Variants in GPHN observed in about 807,000 individuals in gnomAD.
GPHN encodes the protein gephyrin.
A neutral mutation model predicts 95.5 loss-of-function variants in GPHN; 17 were observed. That is an observed-to-expected ratio of 0.18 (90% CI 0.12 to 0.27). The LOEUF is 0.27. Among genes scored for constraint, GPHN ranks in the 10% least tolerant of loss-of-function variants. GPHN has a pLI of 1.00. For missense variants in GPHN, 660 were observed against 978.1 expected, an observed-to-expected ratio of 0.67 and a Z score of 4.34; for synonymous variants, 320 against 322.5, an observed-to-expected ratio of 0.99 and a Z score of 0.08.
chr14:66,591,190 G>A (rs941090638), intron 1 of GPHN, among the ~76,000 whole-genome samples: 1 of 152,118 alleles, frequency 6.6e-6, no homozygotes, highest in Non-Finnish European at 1.5e-5. Flanking sequence ...CAAACCCGCA[G>A]CCAATATAAT....
the GPHN span, chr14:67,647,040 C>G: frequency 6.4e-7 from 1 of 1,551,774 alleles, no homozygotes; most frequent in Admixed American, 1.7e-5. Flanking sequence ...GTAACTATAA[C>G]TGATGTCAGG....
chr14:66,553,394 A>G (rs1393329661), intron 1 of GPHN, among the ~76,000 whole-genome samples: 1 of 152,086 alleles, frequency 6.6e-6, no homozygotes, highest in Non-Finnish European at 1.5e-5. Flanking sequence ...CTCTAGGATC[A>G]CAGTTACATA....
chr14:66,603,547 C>A (rs546150243), intron 1 of GPHN, among the ~76,000 whole-genome samples: 2 of 151,872 alleles, frequency 1.3e-5, no homozygotes, highest in African/African-American at 4.8e-5. Context: ...ATCCAGTTTT[C>A]AATTATGAAC....
intron 17 of GPHN, 142 bp from the exon 18 acceptor site, chr14:67,143,220 T>C: frequency 1.4e-6 from 1 of 695,412 alleles, no homozygotes; most frequent in Non-Finnish European, 2.7e-6. Flanking sequence ...GCAGAGACCC[T>C]TTTGATTCCC....
chr14:67,713,181 C>A, the GPHN span, among the ~76,000 whole-genome samples: 1 of 151,810 alleles, frequency 6.6e-6, no homozygotes, highest in Non-Finnish European at 1.5e-5. Context: ...CTCAATTCAG[C>A]TACATACCTA....
the GPHN span, among the ~76,000 whole-genome samples, chr14:67,343,199 C>T: frequency 6.6e-6 from 1 of 151,956 alleles, no homozygotes; most frequent in East Asian, 1.9e-4. Flanking sequence ...TATCAGAACA[C>T]TTCATAACAC....
chr14:66,858,469 A>G (rs1000607196), intron 4 of GPHN, among the ~76,000 whole-genome samples: 2 of 151,646 alleles, frequency 1.3e-5, no homozygotes, highest in Non-Finnish European at 2.9e-5. Flanking sequence ...GGCAAGATGC[A>G]TCAACTTTTG....
intron 3 of GPHN, among the ~76,000 whole-genome samples, chr14:66,811,502 T>C (rs1027332084): frequency 1.3e-5 from 2 of 151,542 alleles, no homozygotes; most frequent in Non-Finnish European, 2.9e-5. Context: ...TAAGCATGTA[T>C]TTTAAGAATC....
At chr14:66,855,464 T>A (rs947796118) in intron 4 of GPHN, among the ~76,000 whole-genome samples, 1 of 152,226 alleles carries the variant, frequency 6.6e-6, no homozygotes, top group African/African-American at 2.4e-5. Flanking sequence ...CAGAACTTTA[T>A]TGCTTTTTAT....
At chr14:66,921,785 G>A (rs1210338733) in intron 6 of GPHN, among the ~76,000 whole-genome samples, 1 of 152,036 alleles carries the variant, frequency 6.6e-6, no homozygotes, top group Admixed American at 6.6e-5. Flanking sequence ...AAATCTGGAG[G>A]CATCACATTA....
the GPHN span, among the ~76,000 whole-genome samples, chr14:67,258,276 T>C: frequency 6.6e-6 from 1 of 152,122 alleles, no homozygotes. Flanking sequence ...GGCTCACTCC[T>C]GTAATTCTAG....
chr14:66,965,780 A>T (rs1251235856), intron 9 of GPHN, among the ~76,000 whole-genome samples: 1 of 152,176 alleles, frequency 6.6e-6, no homozygotes, highest in African/African-American at 2.4e-5. Flanking sequence ...TCAAACATTC[A>T]TCTTGGAATG....
chr14:66,742,370 T>G (rs1037497675), intron 2 of GPHN, among the ~76,000 whole-genome samples: 1 of 152,216 alleles, frequency 6.6e-6, no homozygotes, highest in Non-Finnish European at 1.5e-5. Flanking sequence ...ATATCTTCTT[T>G]TAATGGATAA....
At chr14:67,024,548 A>G (rs1200431496) in intron 10 of GPHN, among the ~76,000 whole-genome samples, 2 of 152,152 alleles carry the variant, frequency 1.3e-5, no homozygotes, top group East Asian at 3.8e-4. Context: ...TTTGTGTTAT[A>G]CTCCTGGTTA....
chr14:67,723,772 C>T, the GPHN span, among the ~76,000 whole-genome samples: 13 of 152,346 alleles, frequency 8.5e-5, 1 homozygote, highest in South Asian at 1.9e-3. Context: ...AGATGATGTG[C>T]AGGAAATGTT....
rs1033025069 is a variant in GPHN at position 67,046,479 on chromosome 14, C to T, written c.1007-12170C>T. 1.4e-4 allele frequency among the ~76,000 whole-genome samples: 22 copies of T among 152,080 alleles called. 1 individual carries two copies. Among genetic ancestry groups the T allele is most frequent in the Non-Finnish European group, 7.4e-5 (5 of 68,008 alleles). ...ATGAGAGATGAGACTGAAAGGAAAG[C>T]AAATAAGGGTTTTATATACTATTCT... On this transcript the variant is annotated intron_variant, in intron 10 of 22. Transcript: ENST00000478722.
the GPHN span, among the ~76,000 whole-genome samples, chr14:67,602,779 C>T: frequency 6.6e-6 from 1 of 152,158 alleles, no homozygotes; most frequent in African/African-American, 2.4e-5. Flanking sequence ...TTCAAAATGT[C>T]ATTTCTAGTC....
rs140189779 is a variant in GPHN at position 66,546,555 on chromosome 14, C to T, written c.64+37964C>T. 6.0e-4 allele frequency among the ~76,000 whole-genome samples: 91 copies of T among 152,284 alleles called. 1 individual carries two copies. In the East Asian group the frequency reaches 0.015, roughly 25 times the overall value. On this transcript the variant is annotated intron_variant, in intron 1 of 22. Transcript: ENST00000478722. ...AGGCCGAGGCTGGCCGGATCACTCA[C>T]GGTTAGGAGCTGGAGACCAGCCCGT... is the stretch of plus-strand genomic sequence containing the variant.
At chr14:67,515,739 C>T in the GPHN span, among the ~76,000 whole-genome samples, 1 of 152,320 alleles carries the variant, frequency 6.6e-6, no homozygotes, top group South Asian at 2.1e-4. Flanking sequence ...GGGGACCAGG[C>T]GTGCAACATC....
Sources: gnomAD v4.1 joint callset for allele counts (sites outside exome capture counted in the v4.1 genomes callset) on GRCh38, gnomAD v4.1.1 for gene constraint, MANE v1.5 for transcripts, NCBI Gene and HGNC (gene_info 2026-07-23, HGNC 2026-07-21) for gene names.